The following SLC8A1 variants were observed in gnomAD, a reference collection of about 807,000 sequenced individuals.
SLC8A1 encodes the protein sodium/calcium exchanger 1.
A neutral mutation model predicts 68.3 loss-of-function variants in SLC8A1; 18 were observed. The observed-to-expected ratio is 0.26, with a 90% CI of 0.18 to 0.39. The LOEUF is 0.39. SLC8A1 is among the 10% of genes least tolerant of loss of function. The probability of loss-of-function intolerance (pLI) is 1.00; values close to 1 mark genes in which losing one functional copy is unlikely to be tolerated. For missense variants in SLC8A1, 985 were observed against 1,156.7 expected (o/e 0.85, Z 2.15); for synonymous variants, 475 against 415.5 (o/e 1.14, Z -1.74).
chr2:40,147,415 C>T (rs929119758), intron 6 of SLC8A1, among the ~76,000 whole-genome samples: 1 of 152,114 alleles, frequency 6.6e-6, no homozygotes, highest in African/African-American at 2.4e-5. Context: ...TCCAAGCTCC[C>T]GAAATAGGGA....
At chr2:40,209,384 T>C (rs1324433286) in intron 2 of SLC8A1, among the ~76,000 whole-genome samples, 2 of 152,076 alleles carry the variant, frequency 1.3e-5, no homozygotes, top group African/African-American at 2.4e-5. Context: ...GACATTTCTA[T>C]GGCTGGAGAA....
intron 2 of SLC8A1, among the ~76,000 whole-genome samples, chr2:40,222,239 G>T (rs1403181330): frequency 6.6e-6 from 1 of 151,942 alleles, no homozygotes; most frequent in East Asian, 1.9e-4. Context: ...ACAACCATCT[G>T]ATCTTTGACA....
intron 2 of SLC8A1, among the ~76,000 whole-genome samples, chr2:40,214,000 G>A (rs2057048599): frequency 6.6e-6 from 1 of 152,144 alleles, no homozygotes; most frequent in Non-Finnish European, 1.5e-5. Flanking sequence ...CAGATATTCA[G>A]AAATCCTCAG....
intron 2 of SLC8A1, among the ~76,000 whole-genome samples, chr2:40,179,205 G>T (rs1047108186): frequency 1.3e-5 from 2 of 152,154 alleles, no homozygotes; most frequent in Admixed American, 6.5e-5. Context: ...GTGAAAGTGG[G>T]GTGGCAGCAG....
chr2:40,339,461 C>T (rs2149402350), intron 2 of SLC8A1, among the ~76,000 whole-genome samples: 1 of 152,288 alleles, frequency 6.6e-6, no homozygotes, highest in South Asian at 2.1e-4. Context: ...ATTCACTTTA[C>T]CATTTTTATG....
chr2:40,270,740 T>C (rs1056148040), intron 2 of SLC8A1, among the ~76,000 whole-genome samples: 4 of 152,192 alleles, frequency 2.6e-5, no homozygotes, highest in Non-Finnish European at 4.4e-5. Flanking sequence ...TTCTGGGAAT[T>C]AGAACATGGA....
chr2:40,499,485 G>C (rs1037228656), intron 1 of SLC8A1, among the ~76,000 whole-genome samples: 1 of 152,258 alleles, frequency 6.6e-6, no homozygotes, highest in East Asian at 1.9e-4. Flanking sequence ...CAAAAGGTGA[G>C]TTGTTCCCCA....
rs11890040 is a variant in SLC8A1, at chr2:40,347,129, A to C, written c.1808+81344T>G. Among the ~76,000 whole-genome samples the C allele has an allele frequency of 2.0e-5, 3 of 152,230 alleles. No homozygotes were observed. The East Asian group carries it at 5.8e-4, about 29-fold the overall frequency. The stretch of plus-strand genomic sequence containing the variant: ...TAGGTTCAAATTTTGGCTTTGCTAC[A>C]TACTGGCTATTTGAAATGTGGTAAC... On this transcript the variant is annotated intron_variant, in intron 2 of 7. Transcript: ENST00000406785.
rs2125069164 is a variant in SLC8A1 at position 40,115,633 on chromosome 2, C to T, written c.2438-4G>A. 1.9e-6 allele frequency: 3 copies of T among 1,602,710 alleles called. No homozygotes were observed. The African/African-American group carries it at 4.0e-5, about 21-fold the overall frequency. ...GCCACTTTGCTGGCAAATGTGTCTG[C>T]AGAGGAAGAAGAGAAAGTCAATGAC... On this transcript the variant is annotated splice_polypyrimidine_tract_variant and splice_region_variant and intron_variant, in intron 7 of 7. Transcript: ENST00000406785.
intron 1 of SLC8A1, among the ~76,000 whole-genome samples, chr2:40,497,952 G>C (rs1705815502): frequency 6.6e-6 from 1 of 151,984 alleles, no homozygotes; most frequent in Non-Finnish European, 1.5e-5. Context: ...GCATGCTATT[G>C]CAATAACTTA....
intron 2 of SLC8A1, among the ~76,000 whole-genome samples, chr2:40,192,036 T>C (rs1347777641): frequency 6.6e-6 from 1 of 152,150 alleles, no homozygotes; most frequent in Non-Finnish European, 1.5e-5. Context: ...AATTTAAATA[T>C]ACAATAAGAC....
chr2:40,462,155 C>T (rs1436529291), intron 1 of SLC8A1, among the ~76,000 whole-genome samples: 8 of 151,474 alleles, frequency 5.3e-5, no homozygotes, highest in Non-Finnish European at 1.2e-4. Flanking sequence ...TACAGGCATG[C>T]ACCACCACAC....
intron 2 of SLC8A1, among the ~76,000 whole-genome samples, chr2:40,315,828 T>C (rs1320753375): frequency 1.3e-5 from 2 of 152,160 alleles, no homozygotes; most frequent in South Asian, 2.1e-4. Context: ...CACATGGTGA[T>C]AATGTATTAA....
At chr2:40,203,145 C>T (rs1213114078) in intron 2 of SLC8A1, among the ~76,000 whole-genome samples, 2 of 151,964 alleles carry the variant, frequency 1.3e-5, no homozygotes, top group African/African-American at 4.8e-5. Flanking sequence ...CTGGCTAATG[C>T]TAGTGCTGCT....
chr2:40,288,849 A>ATATATATATATATATATATG (rs1553476848), intron 2 of SLC8A1, among the ~76,000 whole-genome samples: 3 of 138,762 alleles, frequency 2.2e-5, no homozygotes, highest in African/African-American at 8.8e-5. Flanking sequence ...ATATATATAT[A>ATATATATATATATATATATG]TATGTATATA....
chr2:40,416,095 G>C (rs535271297), intron 2 of SLC8A1, among the ~76,000 whole-genome samples: 2 of 145,658 alleles, frequency 1.4e-5, no homozygotes, highest in Non-Finnish European at 3.0e-5. Flanking sequence ...CCACTTTTCT[G>C]AGACAGCAAG....
At chr2:40,416,288 A>G (rs1210516478) in intron 2 of SLC8A1, among the ~76,000 whole-genome samples, 1 of 152,158 alleles carries the variant, frequency 6.6e-6, no homozygotes, top group Admixed American at 6.5e-5. Flanking sequence ...AAATTTGACA[A>G]AATTCATTTT....
intron 2 of SLC8A1, among the ~76,000 whole-genome samples, chr2:40,242,282 T>C (rs543725464): frequency 6.9e-4 from 105 of 152,326 alleles, no homozygotes; most frequent in African/African-American, 2.4e-3. Context: ...TGTTTAGTTC[T>C]TTGTGAATGT....
chr2:40,175,354 G>A, intron 3 of SLC8A1, 73 bp from the exon 4 acceptor site: 3 of 1,481,628 alleles, frequency 2.0e-6, no homozygotes, highest in Non-Finnish European at 2.8e-6. Context: ...AGGAATATCA[G>A]CAGAAAGAAA....
Sources: allele counts gnomAD v4.1 joint callset (sites outside exome capture counted in the v4.1 genomes callset), GRCh38; gene constraint gnomAD v4.1.1; transcripts MANE v1.5; gene names NCBI Gene and HGNC (gene_info 2026-07-23, HGNC 2026-07-21).